Variants in UBAC2 observed in about 807,000 individuals in gnomAD.
UBAC2 encodes ubiquitin-associated domain-containing protein 2.
A neutral mutation model predicts 44.0 loss-of-function variants in UBAC2; 26 were observed. That is an observed-to-expected ratio of 0.59 (90% CI 0.43 to 0.82). The LOEUF is 0.82. Among genes scored for constraint, UBAC2 ranks in the 40% least tolerant of loss-of-function variants. The probability of loss-of-function intolerance (pLI) is 0.00; values close to 1 mark genes in which losing one functional copy is unlikely to be tolerated. For synonymous variants in UBAC2, 155 were observed against 154.3 expected (o/e 1.00, Z -0.04); for missense variants, 329 against 419.4 (o/e 0.78, Z 1.88).
intron 1 of UBAC2, chr13:99,201,530 T>A: frequency 6.2e-7 from 1 of 1,614,160 alleles, no homozygotes; most frequent in South Asian, 1.1e-5. Flanking sequence ...TGCTGCTGGA[T>A]GTTGCTGTTT....
intron 6 of UBAC2, among the ~76,000 whole-genome samples, chr13:99,334,076 A>G (rs1260212094): frequency 6.6e-6 from 1 of 152,100 alleles, no homozygotes; most frequent in Admixed American, 6.6e-5. Flanking sequence ...CCTTCCAAGT[A>G]TCTGGGACTA....
chr13:99,216,082 T>G (rs7491404), intron 1 of UBAC2, among the ~76,000 whole-genome samples: 3,537 of 148,902 alleles, frequency 0.024, 142 homozygotes, highest in Non-Finnish European at 0.034. Context: ...CAACCTATAT[T>G]TGTGTGTGTG....
intron 6 of UBAC2, among the ~76,000 whole-genome samples, chr13:99,338,127 G>A (rs958178116): frequency 8.0e-6 from 1 of 125,348 alleles, no homozygotes; most frequent in East Asian, 2.6e-4. Flanking sequence ...GCACAATCTC[G>A]ACTTACTGTA....
At chr13:99,348,598 A>G (rs9585038) in intron 7 of UBAC2, among the ~76,000 whole-genome samples, 28,508 of 152,238 alleles carry the variant, frequency 0.19, 2,825 homozygotes, top group Middle Eastern at 0.24. Flanking sequence ...CAAACTAAGA[A>G]TTGCTGTTGT....
intron 8 of UBAC2, among the ~76,000 whole-genome samples, chr13:99,370,224 G>T (rs1207422687): frequency 6.6e-6 from 1 of 152,194 alleles, no homozygotes; most frequent in Non-Finnish European, 1.5e-5. Flanking sequence ...TGTGCAACCT[G>T]CTCTCAAATG....
At chr13:99,267,310 T>C (rs1321456332) in intron 4 of UBAC2, among the ~76,000 whole-genome samples, 1 of 152,234 alleles carries the variant, frequency 6.6e-6, no homozygotes, top group African/African-American at 2.4e-5. Context: ...TCTTACTCCG[T>C]AGGGTGCCTC....
chr13:99,273,649 G>A (rs547936721), intron 4 of UBAC2, among the ~76,000 whole-genome samples: 2 of 152,178 alleles, frequency 1.3e-5, no homozygotes, highest in Non-Finnish European at 2.9e-5. Flanking sequence ...CTTTGTGACA[G>A]TTTTGATGAG....
intron 4 of UBAC2, among the ~76,000 whole-genome samples, chr13:99,285,374 A>T (rs2044005345): frequency 6.8e-6 from 1 of 147,846 alleles, no homozygotes; most frequent in African/African-American, 2.5e-5. Flanking sequence ...CTGGCTCATT[A>T]TTTATTATTA....
chr13:99,368,688 A>AGTGTGTGT (rs35193753), intron 8 of UBAC2, among the ~76,000 whole-genome samples: 12,301 of 146,538 alleles, frequency 0.084, 619 homozygotes, highest in Non-Finnish European at 0.12. Flanking sequence ...CTCATGAGAG[A>AGTGTGTGT]GTGTGTGTGT....
At chr13:99,358,328 A>G (rs749400001) in intron 7 of UBAC2, among the ~76,000 whole-genome samples, 2 of 152,176 alleles carry the variant, frequency 1.3e-5, no homozygotes, top group Non-Finnish European at 2.9e-5. Context: ...CTAACTGTGT[A>G]TCTATGTGGC....
intron 7 of UBAC2, 91 bp from the exon 8 acceptor site, chr13:99,367,696 A>G: frequency 6.5e-7 from 1 of 1,529,376 alleles, no homozygotes; most frequent in Non-Finnish European, 9.0e-7. Flanking sequence ...CCCAGTCTAT[A>G]GATGTAACTG....
At chr13:99,314,358 A>C in intron 5 of UBAC2, 138 bp downstream of exon 5, 1 of 1,009,106 alleles carries the variant, frequency 9.9e-7, no homozygotes, top group African/African-American at 1.6e-5. Context: ...TCTATATCAA[A>C]TGTTTAAAGG....
chr13:99,345,743 T>TTC (rs201390013), intron 7 of UBAC2, among the ~76,000 whole-genome samples: 11,254 of 124,656 alleles, frequency 0.09, 495 homozygotes, highest in Non-Finnish European at 0.15. Context: ...TTTTCTTTCT[T>TTC]TTTTTTTTTT....
chr13:99,350,432 G>A (rs941213285), intron 7 of UBAC2, among the ~76,000 whole-genome samples: 5 of 152,174 alleles, frequency 3.3e-5, no homozygotes, highest in African/African-American at 1.2e-4. Context: ...AGGGAGAGGG[G>A]TTGAGTTGAT....
At chr13:99,227,364 G>A (rs538029801) in intron 1 of UBAC2, among the ~76,000 whole-genome samples, 2 of 152,306 alleles carry the variant, frequency 1.3e-5, no homozygotes, top group East Asian at 3.9e-4. Flanking sequence ...ACTGTCGTCA[G>A]CCCCGGGAGC....
intron 6 of UBAC2, among the ~76,000 whole-genome samples, chr13:99,335,056 A>T (rs911697749): frequency 5.3e-5 from 8 of 152,260 alleles, no homozygotes; most frequent in African/African-American, 1.4e-4. Flanking sequence ...CGAAAGGGTC[A>T]GTTGTGTTTG....
intron 8 of UBAC2, among the ~76,000 whole-genome samples, chr13:99,369,512 A>T (rs1409992689): frequency 6.6e-6 from 1 of 152,210 alleles, no homozygotes; most frequent in Admixed American, 6.5e-5. Context: ...ACTGTAGGGT[A>T]ATGTTAAGTG....
chr13:99,374,398 G>C (rs2045451692), intron 8 of UBAC2, among the ~76,000 whole-genome samples: 1 of 152,112 alleles, frequency 6.6e-6, no homozygotes, highest in African/African-American at 2.4e-5. Flanking sequence ...TTGGTCTTCT[G>C]GTTTGTTGGA....
At chr13:99,338,544 C>G (rs2044836336) in intron 6 of UBAC2, among the ~76,000 whole-genome samples, 1 of 152,168 alleles carries the variant, frequency 6.6e-6, no homozygotes, top group African/African-American at 2.4e-5. Flanking sequence ...GGTTTATAAT[C>G]ACTTGATAAG....
Sources: allele counts gnomAD v4.1 joint callset (sites outside exome capture counted in the v4.1 genomes callset), GRCh38; gene constraint gnomAD v4.1.1; transcripts MANE v1.5; gene names NCBI Gene and HGNC (gene_info 2026-07-23, HGNC 2026-07-21).